The following ECI1 variants were observed in gnomAD, a reference collection of about 807,000 sequenced individuals.
ECI1 encodes enoyl-CoA delta isomerase 1.
In ECI1, 34 loss-of-function variants were observed where a neutral mutation model predicts 34.2. The ratio of observed to expected loss-of-function variants is 1.00; its 90% CI spans 0.76 to 1.33. The LOEUF (loss-of-function observed/expected upper bound fraction) is 1.33. ECI1 is among the 40% of genes most tolerant of loss of function. The pLI, the probability that ECI1 is intolerant of heterozygous loss-of-function variation, is 0.00. For synonymous variants in ECI1, 211 were observed against 193.0 expected, an observed-to-expected ratio of 1.09 and a Z score of -0.77; for missense variants, 456 against 422.2, an observed-to-expected ratio of 1.08 and a Z score of -0.70.
In ECI1 at chr16:2,251,421, GC is replaced by G; in HGVS notation, c.60del (p.Leu21SerfsTer39). 1 of 1,422,164 alleles carries G rather than the reference GC, an allele frequency of 7.0e-7. No homozygotes were observed. Among genetic ancestry groups the G allele is most frequent in the Non-Finnish European group, 9.2e-7 (1 of 1,085,232 alleles). 88.1% of individuals were successfully genotyped at this position (1,422,164 alleles called of 1,614,324 possible). A position where few individuals can be genotyped will look rare whatever the true frequency, so the allele number is the denominator to read the frequency against. On this transcript the variant is annotated frameshift_variant, in exon 2 of 7. Coordinates refer to ENST00000301729, the MANE Select transcript of ECI1 (RefSeq NM_001919.4). LOFTEE classifies it high-confidence loss of function. Reference protein sequence around the residue: ...PARVLLRAGARLPGAALGRTE... With the variant: ...PARVLLRAGAXLPGAALGRTE... ...GTCCGCCCGAGGGCCGCGCCCGGGA[GC>G]CGGGCCCCTGCGAAGGCAGCGTGGG...
rs897673765 is a variant in ECI1 at position 2,243,360 on chromosome 16, A to G, written c.521T>C (p.Ile174Thr). The change falls in exon 5 of 7, where the codon ATA (isoleucine) becomes ACA (threonine). Residue 174 changes from isoleucine to threonine, a missense_variant. By Grantham distance (89) the Ile-to-Thr change is moderately conservative (BLOSUM62 -1). Transcript: ENST00000301729. ...GCCCAGCTGGGTCTCATTGAGTCCT[A>G]TGCAGTACCTGGGGTTGTCCGCCAG... is the stretch of plus-strand genomic sequence containing the variant. ...RILADNPRYC[I>T]GLNETQLGII... 2.5e-6 allele frequency: 4 copies of G among 1,613,646 alleles called. No individual in the cohort carries two copies. The highest frequency in any genetic ancestry group is 1.3e-5 in the African/African-American group (1 of 74,946).
chr16:2,241,301 T>C (rs1444488195), intron 6 of ECI1, among the ~76,000 whole-genome samples: 2 of 152,104 alleles, frequency 1.3e-5, no homozygotes, highest in African/African-American at 2.4e-5. Flanking sequence ...CTATGAATAG[T>C]TTTTACTTTT....
rs1244041699 is a variant in ECI1, at chr16:2,239,593, T to C, written c.*386A>G. On this transcript the variant is annotated 3_prime_UTR_variant, in exon 7 of 7. Transcript: ENST00000301729. Reference sequence around the variant, plus strand: ...TCCCTGGGGAGTTCTGTGTGGGTCATGGGGGCCAAGACCACCTGGCCTTAC... The same window carrying C: ...TCCCTGGGGAGTTCTGTGTGGGTCACGGGGGCCAAGACCACCTGGCCTTAC... The C allele has an allele frequency of 5.8e-6, 2 of 343,016 alleles. No individual in the cohort carries two copies. The highest frequency in any genetic ancestry group is 4.0e-5 in the Admixed American group (1 of 24,740). 21.2% of individuals were successfully genotyped at this position (343,016 alleles called of 1,614,324 possible). A position where few individuals can be genotyped will look rare whatever the true frequency, so the allele number is the denominator to read the frequency against.
Position 2,251,342 on chromosome 16 carries a change from A to G in ECI1, c.140T>C (p.Val47Ala). The G allele has an allele frequency of 8.0e-7, 1 of 1,249,406 alleles. No individual in the cohort carries two copies. The highest frequency in any genetic ancestry group is 1.0e-6 in the Non-Finnish European group (1 of 994,268). The allele number at this position is 1,249,406 out of a possible 1,614,324, so 77.4% of individuals were successfully genotyped here. A position where few individuals can be genotyped will look rare whatever the true frequency, so the allele number is the denominator to read the frequency against. Reference protein sequence around the residue: ...DGARRFGSQRVLVEPDAGAGV... With the variant: ...DGARRFGSQRALVEPDAGAGV... ...TGCGCCCGCGTCCGGCTCCACCAGC[A>G]CCCGCTGGCTCCCGAAGCGCCGCGC... Residue 47 changes from valine to alanine, a missense_variant, in exon 2 of 7, where the codon GTG becomes GCG. By Grantham distance (64) the Val-to-Ala change is moderately conservative. Transcript: ENST00000301729.
In ECI1 at chr16:2,240,259, T is replaced by G; in HGVS notation, c.743-114A>C. On this transcript the variant is annotated intron_variant, in intron 6 of 6. Transcript: ENST00000301729. ...CGGAGTCTTGCTCTGTCGCCCAGGCTGGAGTGCAATGGTGGGATCTTGGCT... is the reference window on the plus strand; with the variant it reads ...CGGAGTCTTGCTCTGTCGCCCAGGCGGGAGTGCAATGGTGGGATCTTGGCT... 7 of 1,150,006 alleles carry G rather than the reference T, an allele frequency of 6.1e-6. 1 individual carries two copies. The Admixed American group carries it at 1.0e-4, about 17-fold the overall frequency. 71.2% of individuals were successfully genotyped at this position (1,150,006 alleles called of 1,614,324 possible). A position where few individuals can be genotyped will look rare whatever the true frequency, so the allele number is the denominator to read the frequency against.
chr16:2,246,778 C>T, intron 3 of ECI1, 81 bp downstream of exon 3: 1 of 1,601,632 alleles, frequency 6.2e-7, no homozygotes, highest in East Asian at 2.2e-5. Context: ...CTGCCTCTTC[C>T]ATGTGCAACA....
At position 2,240,749 on chromosome 16, in the gene ECI1, TAC is replaced by T. The variant is rs1343756858; in HGVS notation, c.743-606_743-605del. The stretch of plus-strand genomic sequence containing the variant: ...TCTGTCTCTGCCACCCAGGCTGGAC[TAC>T]AGTGGCGTGACCTTGGCTCACTGCA... On this transcript the variant is annotated intron_variant, in intron 6 of 6. Transcript: ENST00000301729. 3 of 152,900 alleles carry T rather than the reference TAC, an allele frequency of 2.0e-5. No homozygotes were observed. In the East Asian group the frequency reaches 5.8e-4, roughly 30 times the overall value. 9.5% of individuals were successfully genotyped at this position (152,900 alleles called of 1,614,324 possible).
chr16:2,244,989 G>A (rs1399108064), intron 3 of ECI1, among the ~76,000 whole-genome samples: 1 of 152,206 alleles, frequency 6.6e-6, no homozygotes, highest in East Asian at 1.9e-4. Flanking sequence ...GAAGTGCTAG[G>A]GTGGGAGAAT....
chr16:2,247,237 C>T (rs1240738750), intron 2 of ECI1, among the ~76,000 whole-genome samples: 1 of 152,146 alleles, frequency 6.6e-6, no homozygotes, highest in East Asian at 1.9e-4. Flanking sequence ...GCTGGGACTA[C>T]AGGTGCCCAC....
chr16:2,247,548 C>T (rs559190936), intron 2 of ECI1, among the ~76,000 whole-genome samples: 2 of 152,144 alleles, frequency 1.3e-5, no homozygotes, highest in African/African-American at 2.4e-5. Flanking sequence ...CAGGTGCGTG[C>T]CGCTACATCC....
At chr16:2,250,693 G>C (rs2093551276) in intron 2 of ECI1, among the ~76,000 whole-genome samples, 1 of 152,220 alleles carries the variant, frequency 6.6e-6, no homozygotes, top group African/African-American at 2.4e-5. Flanking sequence ...CTGACGGGCG[G>C]GTAGGTACGA....
rs2093536004 is a variant in ECI1 at position 2,244,563 on chromosome 16, AG to A, written c.295-12del. On this transcript the variant is annotated splice_polypyrimidine_tract_variant and intron_variant, in intron 3 of 6. Coordinates refer to ENST00000301729, the MANE Select transcript of ECI1 (RefSeq NM_001919.4). Reference sequence around the variant, plus strand: ...GACACCCGGGCGGTCCTGCAGGGGGAGCCGGGGCCACATGCCCATCAGAGTC... The same window carrying A: ...GACACCCGGGCGGTCCTGCAGGGGGACCGGGGCCACATGCCCATCAGAGTC... 1.3e-6 allele frequency: 2 copies of A among 1,572,824 alleles called. No individual in the cohort carries two copies. The highest frequency in any genetic ancestry group is 2.3e-5 in the South Asian group (2 of 85,950).
chr16:2,250,410 AGCTGTGCAAAGTT>A (rs2093550631), intron 2 of ECI1, among the ~76,000 whole-genome samples: 1 of 152,172 alleles, frequency 6.6e-6, no homozygotes, highest in Non-Finnish European at 1.5e-5. Context: ...GGAGTCCTGA[AGCTGTGCAAAGTT>A]GGGCACAGCC....
intron 6 of ECI1, chr16:2,242,372 G>A (rs2093529900): frequency 6.5e-6 from 1 of 153,134 alleles, no homozygotes; most frequent in African/African-American, 2.4e-5. Context: ...TGCTACAAAG[G>A]TCTTACCTAC....
Position 2,244,549 on chromosome 16 carries a change from G to A in ECI1, c.298C>T (p.Arg100Cys), listed in dbSNP as rs376899686. The change falls in exon 4 of 7, where the codon CGC (arginine) becomes TGC (cysteine). Residue 100 changes from arginine (R) to cysteine (C), a missense_variant. Transcript: ENST00000301729. ...AGGCCGGCCGAGAAGACACCCGGGC[G>A]GTCCTGCAGGGGGAGCCGGGGCCAC... ...SFRGVILTSD[R>C]PGVFSAGLDL... is the part of the protein sequence containing the mutation. 1.9e-5 allele frequency: 30 copies of A among 1,582,194 alleles called. No homozygotes were observed. Among genetic ancestry groups the A allele is most frequent in the Middle Eastern group, 3.3e-4 (2 of 6,010 alleles).
Position 2,239,805 on chromosome 16 carries a change from T to G in ECI1, c.*174A>C. The G allele has an allele frequency of 2.9e-6, 2 of 684,304 alleles. No homozygotes were observed. The highest frequency in any genetic ancestry group is 5.2e-6 in the Non-Finnish European group (2 of 386,594). The allele number at this position is 684,304 out of a possible 1,614,324, so 42.4% of individuals were successfully genotyped here. On this transcript the variant is annotated 3_prime_UTR_variant, in exon 7 of 7. Transcript: ENST00000301729. ...TGCCTGACGGGCACAGGCACCCATG[T>G]GTGTTTGTGTGTGGCTGGGCCTTGG...
At chr16:2,248,916 G>A (rs773134076) in intron 2 of ECI1, among the ~76,000 whole-genome samples, 2 of 152,150 alleles carry the variant, frequency 1.3e-5, no homozygotes, top group South Asian at 2.1e-4. Context: ...CGGTTTTCCT[G>A]CTCCAGCCAT....
chr16:2,251,269 G>A (rs1315223052), intron 2 of ECI1, 47 bp downstream of exon 2: 2 of 973,526 alleles, frequency 2.1e-6, no homozygotes, highest in Non-Finnish European at 2.6e-6. Flanking sequence ...GCGGACCCCC[G>A]CGGGTCCTGA....
chr16:2,247,807 A>C (rs969282833), intron 2 of ECI1, among the ~76,000 whole-genome samples: 1 of 152,152 alleles, frequency 6.6e-6, no homozygotes, highest in Admixed American at 6.5e-5. Context: ...CCTGGGCTCC[A>C]GCGATCCTCC....
Sources: gnomAD v4.1 joint callset for allele counts (sites outside exome capture counted in the v4.1 genomes callset) on GRCh38, gnomAD v4.1.1 for gene constraint, MANE v1.5 for transcripts, NCBI Gene and HGNC (gene_info 2026-07-23, HGNC 2026-07-21) for gene names.